The following TOP1 variants were observed in gnomAD, a reference collection of about 807,000 sequenced individuals.
The protein encoded by TOP1 is DNA topoisomerase I.
In TOP1, 10 loss-of-function variants were observed where a neutral mutation model predicts 111.1. That is an observed-to-expected ratio of 0.09 (90% CI 0.06 to 0.15). The LOEUF is 0.15. Ranked by LOEUF, TOP1 falls within the 10% of genes least tolerant of loss-of-function variation. The pLI, the probability that TOP1 is intolerant of heterozygous loss-of-function variation, is 1.00. For synonymous variants in TOP1, 271 were observed against 302.9 expected (o/e 0.89, Z 1.10); for missense variants, 474 against 926.7 (o/e 0.51, Z 6.34).
chr20:41,116,272 C>T lies in TOP1; in HGVS notation c.1708-6C>T. ...TGACCTAAATCTGTTGCTTTGTCTC[C>T]TCCAGACTGGTATTCTGAATAAGCA... On this transcript the variant is annotated splice_polypyrimidine_tract_variant and splice_region_variant and intron_variant, in intron 16 of 20. Coordinates refer to ENST00000361337, the MANE Select transcript of TOP1 (RefSeq NM_003286.4). The surrounding 1 kb of genome is among the most constrained non-coding windows in gnomAD (Gnocchi z 5.6). 6.2e-7 allele frequency: 1 copy of T among 1,605,658 alleles called. No individual in the cohort carries two copies.
In TOP1 at chr20:41,052,820, A is replaced by G. The variant is rs963266780; in HGVS notation, c.59-8574A>G. 6.6e-5 allele frequency among the ~76,000 whole-genome samples: 10 copies of G among 152,204 alleles called. No individual in the cohort carries two copies. In the East Asian group the frequency reaches 1.2e-3, roughly 18 times the overall value. ...AGCCTGGTAAACATGCTGAAACCCT[A>G]TCTCTACAAAAATACAAAAATTAGC... On this transcript the variant is annotated intron_variant, in intron 2 of 20. Transcript: ENST00000361337.
chr20:41,069,253 T>G lies in TOP1; in HGVS notation c.156-6918T>G, dbSNP rs145124080. Among the ~76,000 whole-genome samples the G allele has an allele frequency of 1.4e-4, 21 of 152,242 alleles. No individual in the cohort carries two copies. The highest frequency in any genetic ancestry group is 1.5e-4 in the Non-Finnish European group (10 of 68,042). On this transcript the variant is annotated intron_variant, in intron 3 of 20. Transcript: ENST00000361337. This position sits in a 1 kb window ranked among gnomAD's most constrained non-coding sequence, Gnocchi z 4.1. ...TGAAATTAATAAAATTTAAAAGATA[T>G]GTTTGCTGCTTTCCTTGTGAGTGGT... is the stretch of plus-strand genomic sequence containing the variant.
chr20:41,057,848 C>G (rs756111866), intron 2 of TOP1, among the ~76,000 whole-genome samples: 24 of 152,144 alleles, frequency 1.6e-4, no homozygotes, highest in Non-Finnish European at 2.9e-4. Flanking sequence ...GACACACATG[C>G]TTTATTCCAG....
Position 41,101,224 on chromosome 20 carries a change from T to C in TOP1, c.1179T>C (p.Pro393=). The change falls in exon 13 of 21, where the codon CCT becomes CCC. Residue 393 remains proline, a synonymous_variant. Coordinates refer to ENST00000361337, the MANE Select transcript of TOP1 (RefSeq NM_003286.4). The surrounding 1 kb of genome is among the most constrained non-coding windows in gnomAD (Gnocchi z 4.1). ...TTATTTCCAGAGATGCCAAGGTTCC[T>C]TCTCCTCCTCCAGGACATAAGTGGA... ...IINCSKDAKV[P]SPPPGHKWKE... is the part of the protein sequence containing the mutation. The C allele has an allele frequency of 6.2e-7, 1 of 1,614,124 alleles. No homozygotes were observed. The highest frequency in any genetic ancestry group is 8.5e-7 in the Non-Finnish European group (1 of 1,179,952).
intron 2 of TOP1, among the ~76,000 whole-genome samples, chr20:41,031,068 G>A (rs890475802): frequency 1.0e-3 from 158 of 152,264 alleles, no homozygotes; most frequent in African/African-American, 3.6e-3. Flanking sequence ...TCTGAGGGTG[G>A]GGAAATTTCT....
rs2033759118 is a variant in TOP1 at position 41,078,956 on chromosome 20, C to G, written c.336-1129C>G. On this transcript the variant is annotated intron_variant, in intron 5 of 20. Coordinates refer to ENST00000361337, the MANE Select transcript of TOP1 (RefSeq NM_003286.4). The surrounding 1 kb of genome is among the most constrained non-coding windows in gnomAD (Gnocchi z 5.3). ...CAGTTTTTGTCTTCAGTGTGACAAACTTAGGATCTAGCATTTACTTAACTA... is the reference window on the plus strand; with the variant it reads ...CAGTTTTTGTCTTCAGTGTGACAAAGTTAGGATCTAGCATTTACTTAACTA... Among the ~76,000 whole-genome samples, 1 of 152,142 alleles carries G rather than the reference C, an allele frequency of 6.6e-6. No homozygotes were observed.
chr20:41,109,608 A>T lies in TOP1; in HGVS notation c.1309-3174A>T, dbSNP rs1429681650. 2.6e-5 allele frequency among the ~76,000 whole-genome samples: 4 copies of T among 152,238 alleles called. No homozygotes were observed. The highest frequency in any genetic ancestry group is 9.6e-5 in the African/African-American group (4 of 41,470). ...ATACAAAGAATTCCTGTAGCTCCAT[A>T]ATAAAAAAACAGACATCCCATCCGC... On this transcript the variant is annotated intron_variant, in intron 13 of 20. Coordinates refer to ENST00000361337, the MANE Select transcript of TOP1 (RefSeq NM_003286.4). The surrounding 1 kb of genome is among the most constrained non-coding windows in gnomAD (Gnocchi z 4.1).
intron 8 of TOP1, among the ~76,000 whole-genome samples, chr20:41,089,140 T>TCAGC (rs367547202): frequency 2.7e-5 from 4 of 150,514 alleles, no homozygotes; most frequent in African/African-American, 9.8e-5. Context: ...TTCTCCTGCC[T>TCAGC]CAGCCTCCCA....
intron 3 of TOP1, among the ~76,000 whole-genome samples, chr20:41,062,486 C>T (rs2033557555): frequency 6.6e-6 from 1 of 152,152 alleles, no homozygotes; most frequent in African/African-American, 2.4e-5. Context: ...TCTCTTATCA[C>T]TTGATCATCT....
At chr20:41,090,038 A>G (rs1363872749) in intron 8 of TOP1, among the ~76,000 whole-genome samples, 1 of 152,062 alleles carries the variant, frequency 6.6e-6, no homozygotes, top group Non-Finnish European at 1.5e-5. Context: ...CAGTGGCGCA[A>G]TCTTGGCTCA....
chr20:41,117,380 ATTTT>A (rs1192075214), intron 17 of TOP1, among the ~76,000 whole-genome samples: 7 of 85,526 alleles, frequency 8.2e-5, no homozygotes, highest in South Asian at 4.3e-4. Context: ...CTGTGGCTTA[ATTTT>A]TTTTTTTTTT....
At position 41,029,230 on chromosome 20, in the gene TOP1, G is replaced by A; in HGVS notation, c.33+130G>A. ...CGGAGCCCCCGGTGAGGGGCCGCCTGCCGGAGTAGATCGGCTCGCTAGGCC... is the reference window on the plus strand; with the variant it reads ...CGGAGCCCCCGGTGAGGGGCCGCCTACCGGAGTAGATCGGCTCGCTAGGCC... On this transcript the variant is annotated intron_variant, in intron 1 of 20. Coordinates refer to ENST00000361337, the MANE Select transcript of TOP1 (RefSeq NM_003286.4). This position sits in a 1 kb window ranked among gnomAD's most constrained non-coding sequence, Gnocchi z 6.1. 3 of 823,494 alleles carry A rather than the reference G, an allele frequency of 3.6e-6. No homozygotes were observed. The highest frequency in any genetic ancestry group is 5.2e-6 in the Non-Finnish European group (3 of 582,250). The allele number at this position is 823,494 out of a possible 1,614,324, so 51.0% of individuals were successfully genotyped here. A position where few individuals can be genotyped will look rare whatever the true frequency, so the allele number is the denominator to read the frequency against.
chr20:41,046,537 C>T lies in TOP1; in HGVS notation c.59-14857C>T, dbSNP rs1327616700. Among the ~76,000 whole-genome samples, 2 of 152,244 alleles carry T rather than the reference C, an allele frequency of 1.3e-5. No individual in the cohort carries two copies. The highest frequency in any genetic ancestry group is 2.9e-5 in the Non-Finnish European group (2 of 68,046). On this transcript the variant is annotated intron_variant, in intron 2 of 20. Coordinates refer to ENST00000361337, the MANE Select transcript of TOP1 (RefSeq NM_003286.4). This position sits in a 1 kb window ranked among gnomAD's most constrained non-coding sequence, Gnocchi z 4.3. ...CAGACTAAATGCAGGCTCTGCTGCA[C>T]TTTAATGTAATTCTTTCCCTATTAA...
In TOP1 at chr20:41,069,055, G is replaced by A. The variant is rs1203635752; in HGVS notation, c.156-7116G>A. Among the ~76,000 whole-genome samples the A allele has an allele frequency of 6.6e-6, 1 of 152,146 alleles. No homozygotes were observed. The highest frequency in any genetic ancestry group is 1.5e-5 in the Non-Finnish European group (1 of 68,020). On this transcript the variant is annotated intron_variant, in intron 3 of 20. Transcript: ENST00000361337. This position sits in a 1 kb window ranked among gnomAD's most constrained non-coding sequence, Gnocchi z 4.1. Reference sequence around the variant, plus strand: ...AGGGAAGTACTTTTCCAGCCATATTGGCAGTGCTATTCTGTACTGTCAGTG... The same window carrying A: ...AGGGAAGTACTTTTCCAGCCATATTAGCAGTGCTATTCTGTACTGTCAGTG...
At chr20:41,037,701 A>G (rs2033206666) in intron 2 of TOP1, among the ~76,000 whole-genome samples, 1 of 152,254 alleles carries the variant, frequency 6.6e-6, no homozygotes, top group Non-Finnish European at 1.5e-5. Flanking sequence ...AATGCTGAAT[A>G]TTGAATTGCC....
Position 41,100,352 on chromosome 20 carries a change from T to C in TOP1, c.1163+109T>C. On this transcript the variant is annotated intron_variant, in intron 12 of 20. Transcript: ENST00000361337. The surrounding 1 kb of genome is among the most constrained non-coding windows in gnomAD (Gnocchi z 4.4). ...AGGACTGTTTGGGAAGGGAGATACTTAAGAGCAGGACAGTATTTCATGCGT... is the reference window on the plus strand; with the variant it reads ...AGGACTGTTTGGGAAGGGAGATACTCAAGAGCAGGACAGTATTTCATGCGT... The C allele has an allele frequency of 1.1e-6, 1 of 888,124 alleles. No individual in the cohort carries two copies. The highest frequency in any genetic ancestry group is 1.7e-6 in the Non-Finnish European group (1 of 585,624). The allele number at this position is 888,124 out of a possible 1,614,324, so 55.0% of individuals were successfully genotyped here. A position where few individuals can be genotyped will look rare whatever the true frequency, so the allele number is the denominator to read the frequency against.
At chr20:41,073,617 C>G (rs940329207) in intron 3 of TOP1, among the ~76,000 whole-genome samples, 3 of 152,130 alleles carry the variant, frequency 2.0e-5, no homozygotes, top group African/African-American at 7.2e-5. Context: ...GGAGGCTGCT[C>G]TGAACTTGGA....
intron 17 of TOP1, among the ~76,000 whole-genome samples, chr20:41,117,758 G>A (rs901185979): frequency 6.6e-6 from 1 of 152,014 alleles, no homozygotes; most frequent in Non-Finnish European, 1.5e-5. Flanking sequence ...AGGTGGGGAG[G>A]TAGGAAGTGG....
chr20:41,068,087 T>C (rs1276209493), intron 3 of TOP1, among the ~76,000 whole-genome samples: 1 of 152,220 alleles, frequency 6.6e-6, no homozygotes, highest in Admixed American at 6.5e-5. Flanking sequence ...AAAGAGTTAG[T>C]TTTGTAGCTA....
Sources: allele counts gnomAD v4.1 joint callset (sites outside exome capture counted in the v4.1 genomes callset), GRCh38; gene constraint gnomAD v4.1.1; non-coding constraint Gnocchi (gnomAD v3.1); transcripts MANE v1.5; gene names NCBI Gene and HGNC (gene_info 2026-07-23, HGNC 2026-07-21).